The following LAPTM5 variants were observed in gnomAD, a reference collection of about 807,000 sequenced individuals.
The protein encoded by LAPTM5 is lysosomal protein transmembrane 5.
Under a neutral mutation model 30.1 loss-of-function variants are expected in LAPTM5, and 11 were observed. That is an observed-to-expected ratio of 0.37 (90% CI 0.23 to 0.60). The LOEUF (loss-of-function observed/expected upper bound fraction) is 0.60, where lower values mean the gene tolerates loss of function less well. LAPTM5 is among the 20% of genes least tolerant of loss of function. The pLI, the probability that LAPTM5 is intolerant of heterozygous loss-of-function variation, is 0.71. For synonymous variants in LAPTM5, 151 were observed against 137.9 expected, an observed-to-expected ratio of 1.10 and a Z score of -0.67; for missense variants, 324 against 332.5, an observed-to-expected ratio of 0.97 and a Z score of 0.20.
chr1:30,733,775 G>A lies in LAPTM5; in HGVS notation c.*53C>T. Reference sequence around the variant, plus strand: ...CAGGGGCCACCAAAGCAAAAAAGCAGATTATGAGGCAGCTCCACCCCTCCC... The same window carrying A: ...CAGGGGCCACCAAAGCAAAAAAGCAAATTATGAGGCAGCTCCACCCCTCCC... On this transcript the variant is annotated 3_prime_UTR_variant, in exon 8 of 8. Coordinates refer to ENST00000294507, the MANE Select transcript of LAPTM5 (RefSeq NM_006762.3). 1 of 1,576,472 alleles carries A rather than the reference G, an allele frequency of 6.3e-7. No homozygotes were observed. The highest frequency in any genetic ancestry group is 8.6e-7 in the Non-Finnish European group (1 of 1,165,300).
intron 1 of LAPTM5, among the ~76,000 whole-genome samples, chr1:30,753,712 C>G (rs1210747530): frequency 6.6e-6 from 1 of 152,096 alleles, no homozygotes; most frequent in African/African-American, 2.4e-5. Flanking sequence ...AATCTTGGAA[C>G]AGAAAAAGGA....
Position 30,739,806 on chromosome 1 carries a change from C to T in LAPTM5, c.387+3G>A, listed in dbSNP as rs1639941896. ...CGGTGAGAGGTGGGGGCTGGGTACT[C>T]ACAGCACGGCTCCGGGAGGCCAACT... On this transcript the variant is annotated splice_donor_region_variant and intron_variant, in intron 4 of 7. Transcript: ENST00000294507. The surrounding 1 kb of genome is among the most constrained non-coding windows in gnomAD (Gnocchi z 4.2). The T allele has an allele frequency of 6.3e-7, 1 of 1,594,656 alleles. No homozygotes were observed. The highest frequency in any genetic ancestry group is 8.5e-7 in the Non-Finnish European group (1 of 1,170,068).
At chr1:30,744,073 C>G (rs1010823740) in intron 1 of LAPTM5, among the ~76,000 whole-genome samples, 4 of 152,150 alleles carry the variant, frequency 2.6e-5, no homozygotes, top group African/African-American at 4.8e-5. Flanking sequence ...CAGGGACTGG[C>G]AGGGGGTGCC....
chr1:30,734,617 C>T (rs556942167), intron 7 of LAPTM5, among the ~76,000 whole-genome samples: 1 of 152,366 alleles, frequency 6.6e-6, no homozygotes, highest in African/African-American at 2.4e-5. Flanking sequence ...AGTGTCTTAG[C>T]TAATACAATC....
At position 30,735,219 on chromosome 1, in the gene LAPTM5, C is replaced by T; in HGVS notation, c.653G>A (p.Cys218Tyr). Residue 218 changes from cysteine to tyrosine, a missense_variant, in exon 7 of 8, where the codon TGC (cysteine) becomes TAC (tyrosine). Transcript: ENST00000294507. ...CVWRCYRLIKCMNSVEEKRNS... is the reference protein window; with the variant it reads ...CVWRCYRLIKYMNSVEEKRNS... ...TCTCTTCTCCTCCACCGAGTTCATG[C>T]ACTTGATCAATCTGTAGCACCGCCA... 6.2e-7 allele frequency: 1 copy of T among 1,614,104 alleles called. No individual in the cohort carries two copies. The highest frequency in any genetic ancestry group is 8.5e-7 in the Non-Finnish European group (1 of 1,180,006).
At chr1:30,741,283 C>T (rs934656559) in intron 3 of LAPTM5, among the ~76,000 whole-genome samples, 1 of 152,198 alleles carries the variant, frequency 6.6e-6, no homozygotes, top group African/African-American at 2.4e-5. Flanking sequence ...TGCTTTCTCC[C>T]GTCTCTCACC....
At chr1:30,745,061 C>G (rs968505252) in intron 1 of LAPTM5, among the ~76,000 whole-genome samples, 1 of 152,188 alleles carries the variant, frequency 6.6e-6, no homozygotes, top group African/African-American at 2.4e-5. Context: ...CTCAACTCCC[C>G]CTACAACTCC....
rs572431943 is a variant in LAPTM5 at position 30,739,124 on chromosome 1, G to A, written c.388-62C>T. On this transcript the variant is annotated intron_variant, in intron 4 of 7. Transcript: ENST00000294507. The surrounding 1 kb of genome is among the most constrained non-coding windows in gnomAD (Gnocchi z 4.2). ...CAGCAATTAAAGTCCCAGTTACTGA[G>A]CGGCACATAGTAGGCCCTCACTTGA... is the stretch of plus-strand genomic sequence containing the variant. The A allele has an allele frequency of 6.5e-7, 1 of 1,541,958 alleles. No homozygotes were observed. Among genetic ancestry groups the A allele is most frequent in the East Asian group, 2.5e-5 (1 of 40,708 alleles).
At chr1:30,751,170 G>A (rs931065587) in intron 1 of LAPTM5, among the ~76,000 whole-genome samples, 18 of 152,374 alleles carry the variant, frequency 1.2e-4, no homozygotes, top group East Asian at 5.8e-4. Context: ...GGCCATGGGG[G>A]CCTCCTGCTT....
At position 30,733,843 on chromosome 1, in the gene LAPTM5, TG is replaced by T; in HGVS notation, c.773del (p.Pro258HisfsTer61). Reference protein sequence around the residue: ...KTPEGGPAPPPYSEV With the variant: ...KTPEGGPAPPXYSEV ...CTGGCGAGGGTCACACCTCTGAGTA[TG>T]GGGGTGGTGCTGGGCCCCCCTCTGG... is the stretch of plus-strand genomic sequence containing the variant. On this transcript the variant is annotated frameshift_variant, in exon 8 of 8. Coordinates refer to ENST00000294507, the MANE Select transcript of LAPTM5 (RefSeq NM_006762.3). LOFTEE classifies it high-confidence loss of function. The T allele has an allele frequency of 1.2e-6, 2 of 1,608,348 alleles. No individual in the cohort carries two copies. The highest frequency in any genetic ancestry group is 8.5e-7 in the Non-Finnish European group (1 of 1,178,654).
chr1:30,734,482 G>A (rs1404505083), intron 7 of LAPTM5, among the ~76,000 whole-genome samples: 2 of 152,174 alleles, frequency 1.3e-5, no homozygotes, highest in East Asian at 1.9e-4. Context: ...TGGAGAGGAC[G>A]AGATCATATC....
intron 1 of LAPTM5, among the ~76,000 whole-genome samples, chr1:30,743,329 A>AATG (rs1639997952): frequency 2.0e-5 from 3 of 151,894 alleles, no homozygotes; most frequent in African/African-American, 7.3e-5. Context: ...ATGAATGAAC[A>AATG]AATGAACCCC....
intron 3 of LAPTM5, 98 bp from the exon 4 acceptor site, chr1:30,740,035 C>T: frequency 2.2e-6 from 3 of 1,357,940 alleles, no homozygotes; most frequent in Non-Finnish European, 2.0e-6. Context: ...CCACCCTCTC[C>T]CAAACCTTCC....
At chr1:30,737,518 G>T in intron 6 of LAPTM5, 86 bp downstream of exon 6, 3 of 910,970 alleles carry the variant, frequency 3.3e-6, no homozygotes, top group Admixed American at 2.0e-5. Context: ...ACATGTCCCT[G>T]CCTTCTAACA....
rs1260535963 is a variant in LAPTM5, at chr1:30,733,647, C to T, written c.*181G>A. ...GAGTGACTCAGCCTAAAGCGTTGAC[C>T]CAGTTGTGAGCAGCTCACAGGCCCT... On this transcript the variant is annotated 3_prime_UTR_variant, in exon 8 of 8. Coordinates refer to ENST00000294507, the MANE Select transcript of LAPTM5 (RefSeq NM_006762.3). The T allele has an allele frequency of 6.5e-7, 1 of 1,533,566 alleles. No homozygotes were observed. Among genetic ancestry groups the T allele is most frequent in the African/African-American group, 1.4e-5 (1 of 73,010 alleles). The allele number at this position is 1,533,566 out of a possible 1,614,324, so 95.0% of individuals were successfully genotyped here.
In LAPTM5 at chr1:30,743,795, G is replaced by GTTTTTTTT. The variant is rs756356075; in HGVS notation, c.88-1254_88-1247dup. Among the ~76,000 whole-genome samples the GTTTTTTTT allele has an allele frequency of 5.6e-5, 6 of 107,840 alleles. 1 individual carries two copies. The highest frequency in any genetic ancestry group is 1.2e-4 in the Admixed American group (1 of 8,498). The allele number at this position is 107,840 out of a possible 152,430, so 70.7% of individuals were successfully genotyped here. A position where few individuals can be genotyped will look rare whatever the true frequency, so the allele number is the denominator to read the frequency against. ...TGTTTCCCCCTTGCTGACTGTGTGG[G>GTTTTTTTT]TTTTTTTTTTTTTTTTTTTTTTAGC... On this transcript the variant is annotated intron_variant, in intron 1 of 7. Coordinates refer to ENST00000294507, the MANE Select transcript of LAPTM5 (RefSeq NM_006762.3).
chr1:30,747,392 T>G (rs544917930), intron 1 of LAPTM5, among the ~76,000 whole-genome samples: 1 of 152,136 alleles, frequency 6.6e-6, no homozygotes, highest in Non-Finnish European at 1.5e-5. Context: ...ACACCAAAAC[T>G]GTCGCAGGGT....
intron 1 of LAPTM5, among the ~76,000 whole-genome samples, chr1:30,755,588 C>A (rs983715294): frequency 6.6e-6 from 1 of 152,148 alleles, no homozygotes; most frequent in Non-Finnish European, 1.5e-5. Context: ...AGGGCCCACA[C>A]ATTCTTCAGC....
At chr1:30,733,981 G>A (rs1045808568) in intron 7 of LAPTM5, 64 bp from the exon 8 acceptor site, 6 of 1,546,558 alleles carry the variant, frequency 3.9e-6, no homozygotes, top group Non-Finnish European at 4.4e-6. Context: ...CCAACCTGGG[G>A]TCATGGGACC....
Sources: allele counts gnomAD v4.1 joint callset (sites outside exome capture counted in the v4.1 genomes callset), GRCh38; gene constraint gnomAD v4.1.1; non-coding constraint Gnocchi (gnomAD v3.1); transcripts MANE v1.5; gene names NCBI Gene and HGNC (gene_info 2026-07-23, HGNC 2026-07-21).